Variants in CADPS2 observed in about 807,000 individuals in gnomAD.
CADPS2 encodes calcium-dependent secretion activator 2.
In CADPS2, 93 loss-of-function variants were observed where a neutral mutation model predicts 172.5. The observed-to-expected ratio is 0.54, with a 90% CI of 0.46 to 0.64. The LOEUF (loss-of-function observed/expected upper bound fraction) is 0.64. CADPS2 is among the 30% of genes least tolerant of loss of function. CADPS2 has a pLI of 0.00. For synonymous variants in CADPS2, 546 were observed against 555.2 expected (o/e 0.98, Z 0.23); for missense variants, 1,420 against 1,565.9 (o/e 0.91, Z 1.57).
chr7:122,621,148 C>T lies in CADPS2; in HGVS notation c.1104+333G>A, dbSNP rs560179403. Among the ~76,000 whole-genome samples, 8 of 152,102 alleles carry T rather than the reference C, an allele frequency of 5.3e-5. No homozygotes were observed. In the South Asian group the frequency reaches 1.5e-3, roughly 28 times the overall value. On this transcript the variant is annotated intron_variant, in intron 5 of 29. Coordinates refer to ENST00000449022, the MANE Select transcript of CADPS2 (RefSeq NM_017954.11). Reference sequence around the variant, plus strand: ...AACTTCTTGGCTTAAGTGATCCTCTCGCCTCGGCCTCCCAAAGTGCTGGGA... The same window carrying T: ...AACTTCTTGGCTTAAGTGATCCTCTTGCCTCGGCCTCCCAAAGTGCTGGGA...
At chr7:122,471,190 G>C (rs2055878492) in intron 14 of CADPS2, among the ~76,000 whole-genome samples, 185 bp downstream of exon 14, 1 of 151,014 alleles carries the variant, frequency 6.6e-6, no homozygotes, top group Admixed American at 6.6e-5. Flanking sequence ...GAAACATAAA[G>C]TGTAGCCCAC....
chr7:122,422,209 T>TATGA (rs1438507958), intron 17 of CADPS2: 3 of 152,166 alleles, frequency 2.0e-5, no homozygotes, highest in African/African-American at 7.2e-5. Context: ...ATAGCAGGGA[T>TATGA]ATGAGCACAA....
chr7:122,758,484 T>C (rs903663473), intron 1 of CADPS2, among the ~76,000 whole-genome samples: 1 of 152,220 alleles, frequency 6.6e-6, no homozygotes, highest in Non-Finnish European at 1.5e-5. Context: ...TTATATTTGA[T>C]GTAAAGCACC....
chr7:122,451,512 C>A, intron 14 of CADPS2, 37 bp from the exon 15 acceptor site: 1 of 1,174,614 alleles, frequency 8.5e-7, no homozygotes, highest in Non-Finnish European at 1.2e-6. Context: ...TCATATTGAT[C>A]GAACATTTAC....
At chr7:122,585,873 G>A (rs1244273558) in intron 6 of CADPS2, 5 of 151,914 alleles carry the variant, frequency 3.3e-5, no homozygotes, top group Non-Finnish European at 7.4e-5. Context: ...CTGGAAATTT[G>A]TATCAGGAGC....
intron 14 of CADPS2, among the ~76,000 whole-genome samples, chr7:122,455,332 T>C (rs186812258): frequency 2.0e-5 from 3 of 152,232 alleles, no homozygotes; most frequent in East Asian, 3.9e-4. Context: ...ATTAGTGAGG[T>C]TATCTCCAAC....
intron 2 of CADPS2, among the ~76,000 whole-genome samples, chr7:122,728,896 T>C (rs1286215373): frequency 2.0e-5 from 3 of 151,790 alleles, no homozygotes; most frequent in Non-Finnish European, 4.4e-5. Flanking sequence ...ATATTACAAG[T>C]CGCCTCTCTT....
chr7:122,536,251 T>C (rs540690176), intron 8 of CADPS2, among the ~76,000 whole-genome samples: 1 of 152,230 alleles, frequency 6.6e-6, no homozygotes, highest in Non-Finnish European at 1.5e-5. Context: ...AGATTATTTA[T>C]TAGGGACCTG....
In CADPS2 at chr7:122,341,011, G is replaced by A. The variant is rs1011977265; in HGVS notation, c.3612+4563C>T. On this transcript the variant is annotated intron_variant, in intron 28 of 29. Coordinates refer to ENST00000449022, the MANE Select transcript of CADPS2 (RefSeq NM_017954.11). Reference sequence around the variant, plus strand: ...CTTTTTTAAAATTGGAAAAGTAAATGTAATATCTAGATTATAAACTTAGCA... The same window carrying A: ...CTTTTTTAAAATTGGAAAAGTAAATATAATATCTAGATTATAAACTTAGCA... Among the ~76,000 whole-genome samples, 7 of 152,230 alleles carry A rather than the reference G, an allele frequency of 4.6e-5. No individual in the cohort carries two copies. The South Asian group carries it at 1.5e-3, about 32-fold the overall frequency.
At chr7:122,726,387 A>G (rs1482560262) in intron 2 of CADPS2, among the ~76,000 whole-genome samples, 1 of 152,146 alleles carries the variant, frequency 6.6e-6, no homozygotes, top group East Asian at 1.9e-4. Flanking sequence ...TTAATGTTCC[A>G]TGCTTTCCAA....
chr7:122,532,786 G>A (rs1219967156), intron 8 of CADPS2, among the ~76,000 whole-genome samples: 1 of 151,922 alleles, frequency 6.6e-6, no homozygotes, highest in African/African-American at 2.4e-5. Context: ...TATATTTCCC[G>A]AGAGTACGAT....
chr7:122,831,198 G>A (rs1806435626), intron 1 of CADPS2, among the ~76,000 whole-genome samples: 1 of 152,014 alleles, frequency 6.6e-6, no homozygotes, highest in South Asian at 2.1e-4. Flanking sequence ...TTCAACTCCT[G>A]TCCTTACTGT....
At chr7:122,513,400 AT>A in intron 8 of CADPS2, 85 bp from the exon 9 acceptor site, 1 of 1,119,244 alleles carries the variant, frequency 8.9e-7, no homozygotes. Context: ...ATAGGTATTT[AT>A]TTTTGAGACC....
chr7:122,708,531 AT>A (rs2088030609), intron 2 of CADPS2, among the ~76,000 whole-genome samples: 1 of 1,742 alleles, frequency 5.7e-4, no homozygotes, highest in Non-Finnish European at 1.1e-3. Context: ...ATATATATAT[AT>A]ATATATATAT....
intron 24 of CADPS2, among the ~76,000 whole-genome samples, chr7:122,385,295 A>AT (rs11419565): frequency 0.024 from 3,569 of 151,486 alleles, 140 homozygotes; most frequent in African/African-American, 0.082. Context: ...ATATAAATAC[A>AT]TTTTTTTTTC....
chr7:122,826,872 T>G (rs965497677), intron 1 of CADPS2, among the ~76,000 whole-genome samples: 2 of 151,828 alleles, frequency 1.3e-5, no homozygotes, highest in African/African-American at 4.8e-5. Flanking sequence ...ATCTCTCACG[T>G]TAAGAACCCA....
At chr7:122,650,842 A>G (rs888729033) in intron 3 of CADPS2, among the ~76,000 whole-genome samples, 2 of 152,200 alleles carry the variant, frequency 1.3e-5, no homozygotes, top group African/African-American at 4.8e-5. Context: ...GTAAAATTAA[A>G]TCCATCCAAT....
intron 3 of CADPS2, among the ~76,000 whole-genome samples, chr7:122,653,423 G>A (rs1242227565): frequency 6.6e-6 from 1 of 152,118 alleles, no homozygotes; most frequent in Non-Finnish European, 1.5e-5. Context: ...CCCAAGGCCT[G>A]CTCTTCTATT....
At chr7:122,634,585 T>A (rs74847837) in intron 3 of CADPS2, among the ~76,000 whole-genome samples, 101 of 152,314 alleles carry the variant, frequency 6.6e-4, no homozygotes, top group African/African-American at 2.4e-3. Context: ...TAGCAGTCTA[T>A]CAATCCTGTT....
Sources: gnomAD v4.1 joint callset for allele counts (sites outside exome capture counted in the v4.1 genomes callset) on GRCh38, gnomAD v4.1.1 for gene constraint, MANE v1.5 for transcripts, NCBI Gene and HGNC (gene_info 2026-07-23, HGNC 2026-07-21) for gene names.